The following SGMS1 variants were observed in gnomAD, a reference collection of about 807,000 sequenced individuals.
SGMS1 encodes phosphatidylcholine:ceramide cholinephosphotransferase 1.
Under a neutral mutation model 46.2 loss-of-function variants are expected in SGMS1, and 13 were observed. The observed-to-expected ratio is 0.28, with a 90% CI of 0.18 to 0.45. The LOEUF (loss-of-function observed/expected upper bound fraction) is 0.45, where lower values mean the gene tolerates loss of function less well. Among genes scored for constraint, SGMS1 ranks in the 20% least tolerant of loss-of-function variants. SGMS1 has a pLI of 1.00. For missense variants in SGMS1, 324 were observed against 519.9 expected, an observed-to-expected ratio of 0.62 and a Z score of 3.66; for synonymous variants, 203 against 187.8, an observed-to-expected ratio of 1.08 and a Z score of -0.66.
chr10:50,583,216 T>TA (rs539860274), intron 2 of SGMS1, among the ~76,000 whole-genome samples: 23 of 152,206 alleles, frequency 1.5e-4, no homozygotes, highest in Non-Finnish European at 2.9e-4. Context: ...TCCATGTTTT[T>TA]AATCACTTCT....
At chr10:50,620,840 T>C (rs1049394809) in intron 1 of SGMS1, among the ~76,000 whole-genome samples, 1 of 152,210 alleles carries the variant, frequency 6.6e-6, no homozygotes, top group African/African-American at 2.4e-5. Context: ...TGAAGTTTTC[T>C]AAGTTAAAGC....
intron 7 of SGMS1, among the ~76,000 whole-genome samples, chr10:50,336,870 T>A (rs1847724540): frequency 1.3e-5 from 2 of 152,382 alleles, no homozygotes; most frequent in Non-Finnish European, 2.9e-5. Flanking sequence ...TACACATTAA[T>A]GCTTACTACT....
intron 3 of SGMS1, among the ~76,000 whole-genome samples, chr10:50,508,579 G>T (rs988591592): frequency 6.6e-6 from 1 of 152,188 alleles, no homozygotes; most frequent in African/African-American, 2.4e-5. Flanking sequence ...AGTCTAGACC[G>T]CAGGGAGACC....
intron 6 of SGMS1, among the ~76,000 whole-genome samples, chr10:50,419,574 A>C (rs1363371360): frequency 1.3e-5 from 2 of 152,222 alleles, no homozygotes; most frequent in Non-Finnish European, 2.9e-5. Flanking sequence ...ATTTGTGGAA[A>C]TATTCCATCT....
At chr10:50,568,200 C>T (rs1443033562) in intron 2 of SGMS1, among the ~76,000 whole-genome samples, 2 of 152,132 alleles carry the variant, frequency 1.3e-5, no homozygotes, top group Non-Finnish European at 2.9e-5. Flanking sequence ...ATTTTTATTT[C>T]TTCCAAACGT....
At chr10:50,515,360 C>T (rs1160627329) in intron 3 of SGMS1, among the ~76,000 whole-genome samples, 2 of 152,132 alleles carry the variant, frequency 1.3e-5, no homozygotes, top group Non-Finnish European at 2.9e-5. Context: ...TGTTTTGATA[C>T]GACCAGAATC....
At chr10:50,569,534 G>C (rs1838319287) in intron 2 of SGMS1, among the ~76,000 whole-genome samples, 1 of 152,024 alleles carries the variant, frequency 6.6e-6, no homozygotes, top group Non-Finnish European at 1.5e-5. Flanking sequence ...TGCTCCACTG[G>C]CCTAGCTCAG....
chr10:50,528,152 A>C (rs1205361741), intron 2 of SGMS1, among the ~76,000 whole-genome samples: 1 of 152,252 alleles, frequency 6.6e-6, no homozygotes, highest in Non-Finnish European at 1.5e-5. Flanking sequence ...AACTTACAGG[A>C]TTTGAAATAC....
chr10:50,308,557 T>C (rs1440706950), intron 9 of SGMS1, among the ~76,000 whole-genome samples: 1 of 152,112 alleles, frequency 6.6e-6, no homozygotes, highest in African/African-American at 2.4e-5. Flanking sequence ...ATACAAGGAC[T>C]AAGCAGTCAT....
intron 6 of SGMS1, among the ~76,000 whole-genome samples, chr10:50,369,164 C>G (rs61858207): frequency 0.17 from 26,156 of 152,174 alleles, 2,751 homozygotes; most frequent in Admixed American, 0.23. Context: ...ATATGAAGAG[C>G]AGATATTTTC....
chr10:50,361,117 T>C (rs772164968), intron 6 of SGMS1, among the ~76,000 whole-genome samples: 8 of 152,174 alleles, frequency 5.3e-5, no homozygotes, highest in South Asian at 2.1e-4. Context: ...AGTAGGGGCA[T>C]AGCAGCAGGG....
intron 3 of SGMS1, among the ~76,000 whole-genome samples, chr10:50,467,489 C>T (rs1429210616): frequency 6.6e-6 from 1 of 152,126 alleles, no homozygotes; most frequent in Non-Finnish European, 1.5e-5. Context: ...TCATGAAAGA[C>T]TTTCTCAGCT....
intron 6 of SGMS1, among the ~76,000 whole-genome samples, chr10:50,415,047 G>A (rs1348743402): frequency 3.3e-5 from 5 of 152,196 alleles, no homozygotes; most frequent in African/African-American, 9.6e-5. Context: ...CGTCAACCCG[G>A]GAGGCGGAGC....
intron 1 of SGMS1, among the ~76,000 whole-genome samples, chr10:50,602,332 C>T (rs1838656613): frequency 6.6e-6 from 1 of 152,210 alleles, no homozygotes; most frequent in South Asian, 2.1e-4. Context: ...CCCACAGGAG[C>T]TACTTCTGAA....
At chr10:50,316,499 A>G (rs1352074559) in intron 8 of SGMS1, among the ~76,000 whole-genome samples, 1 of 152,146 alleles carries the variant, frequency 6.6e-6, no homozygotes, top group Non-Finnish European at 1.5e-5. Flanking sequence ...GCTTGGATAA[A>G]CCAGGAACTT....
chr10:50,540,698 C>T (rs894078591), intron 2 of SGMS1, among the ~76,000 whole-genome samples: 17 of 152,058 alleles, frequency 1.1e-4, no homozygotes, highest in Admixed American at 9.2e-4. Flanking sequence ...AGGGGGAACA[C>T]GGAGGGCTGG....
chr10:50,360,471 C>T (rs917039934), intron 6 of SGMS1, among the ~76,000 whole-genome samples: 21 of 152,156 alleles, frequency 1.4e-4, no homozygotes, highest in Admixed American at 2.0e-4. Context: ...GATAACTAAT[C>T]ACTATTGTTT....
chr10:50,415,594 A>ACGAC (rs1490571560), intron 6 of SGMS1, among the ~76,000 whole-genome samples: 1 of 152,174 alleles, frequency 6.6e-6, no homozygotes, highest in Non-Finnish European at 1.5e-5. Context: ...TGGGGCTGTC[A>ACGAC]GCAATGCCTA....
intron 4 of SGMS1, among the ~76,000 whole-genome samples, chr10:50,462,617 G>C (rs1363696215): frequency 6.6e-6 from 1 of 152,162 alleles, no homozygotes; most frequent in Admixed American, 6.5e-5. Context: ...ATTTTATAAA[G>C]TCCTTTTAAA....
Sources: allele counts gnomAD v4.1 joint callset (sites outside exome capture counted in the v4.1 genomes callset), GRCh38; gene constraint gnomAD v4.1.1; transcripts MANE v1.5; gene names NCBI Gene and HGNC (gene_info 2026-07-23, HGNC 2026-07-21).